The following PRR35 variants were observed in gnomAD, a reference collection of about 807,000 sequenced individuals.
PRR35 encodes proline rich 35, also known as proline-rich protein 35.
PRR35 carries 14 observed loss-of-function variants against 18.6 expected under a neutral mutation model. That is an observed-to-expected ratio of 0.75 (90% confidence interval 0.50 to 1.18). The LOEUF (loss-of-function observed/expected upper bound fraction) is 1.18. Ranked by LOEUF, PRR35 falls within the 50% of genes most tolerant of loss-of-function variation. The pLI, the probability that PRR35 is intolerant of heterozygous loss-of-function variation, is 0.00. For missense variants in PRR35, 832 were observed against 792.2 expected (o/e 1.05, Z -0.60); for synonymous variants, 425 against 378.2 (o/e 1.12, Z -1.43).
chr16:563,992 TGC>T lies in PRR35; in HGVS notation c.699_700del (p.Pro234LeufsTer99), dbSNP rs1567169579. On this transcript the variant is annotated frameshift_variant, in exon 2 of 3. Transcript: ENST00000409413. LOFTEE classifies it high-confidence loss of function. ...CCCTCACTGGCCGCTGCAGCCCATG[TGC>T]CCTTCCTGGCCTCGGCCAGCCCCCT... is the stretch of plus-strand genomic sequence containing the variant. 2 of 1,601,706 alleles carry T rather than the reference TGC, an allele frequency of 1.2e-6. No individual in the cohort carries two copies. The highest frequency in any genetic ancestry group is 1.7e-6 in the Non-Finnish European group (2 of 1,176,042).
chr16:563,962 T>TG lies in PRR35; in HGVS notation c.672dup (p.Pro225AlafsTer109), dbSNP rs1167069442. 6.2e-7 allele frequency: 1 copy of TG among 1,600,022 alleles called. No homozygotes were observed. Among genetic ancestry groups the TG allele is most frequent in the Admixed American group, 1.7e-5 (1 of 58,758 alleles). On this transcript the variant is annotated frameshift_variant, in exon 2 of 3. Coordinates refer to ENST00000409413, the MANE Select transcript of PRR35 (RefSeq NM_145270.3). LOFTEE classifies it high-confidence loss of function. ...CTCAGCCCCGGCCTCTTCTCCTACT[T>TG]GGGGCCCTCACTGGCCGCTGCAGCC...
chr16:564,874 CG>C lies in PRR35; in HGVS notation c.1289del (p.Gly430AlafsTer29), dbSNP rs1337987587. 5.1e-6 allele frequency: 8 copies of C among 1,569,978 alleles called. No individual in the cohort carries two copies. Among genetic ancestry groups the C allele is most frequent in the Non-Finnish European group, 3.4e-6 (4 of 1,162,738 alleles). On this transcript the variant is annotated frameshift_variant, in exon 3 of 3. Coordinates refer to ENST00000409413, the MANE Select transcript of PRR35 (RefSeq NM_145270.3). LOFTEE classifies it low-confidence loss of function (END_TRUNC). ...VEQRLGQLGP[A>X]GGLAPRPLRE... The stretch of plus-strand genomic sequence containing the variant: ...CAGCGCCTGGGACAGTTGGGGCCCG[CG>C]GGGGGCCTGGCCCCGAGACCCCTGC...
In PRR35 at chr16:563,834, A is replaced by G. The variant is rs773040283; in HGVS notation, c.540A>G (p.Ser180=). The G allele has an allele frequency of 4.1e-5, 62 of 1,515,036 alleles. No individual in the cohort carries two copies. In the Admixed American group the frequency reaches 6.3e-4, roughly 15 times the overall value. 93.8% of individuals were successfully genotyped at this position (1,515,036 alleles called of 1,614,324 possible). A position where few individuals can be genotyped will look rare whatever the true frequency, so the allele number is the denominator to read the frequency against. ...PRGVGAGDMA[S]AGPEGSVPCY... is the part of the protein sequence containing the mutation. ...GCGTGGGTGCGGGGGACATGGCCTC[A>G]GCAGGCCCTGAGGGCAGCGTCCCCT... Residue 180 remains serine (S), a synonymous_variant, in exon 2 of 3, where the codon TCA becomes TCG. Transcript: ENST00000409413.
Position 565,006 on chromosome 16 carries a change from C to A in PRR35, c.1415C>A (p.Ala472Glu). The change falls in exon 3 of 3, where the codon GCG becomes GAG. Residue 472 changes from alanine (A) to glutamate (E), a missense_variant. Physicochemically the swap from Ala to Glu is moderately radical, Grantham distance 107. Transcript: ENST00000409413. ...DAPLDLSVKR[A>E]PAKGPQALGE... is the part of the protein sequence containing the mutation. ...CCCCTCGACCTCTCTGTGAAACGTG[C>A]GCCCGCCAAGGGGCCCCAGGCTCTT... The A allele has an allele frequency of 1.2e-6, 2 of 1,604,608 alleles. No individual in the cohort carries two copies. The highest frequency in any genetic ancestry group is 1.3e-5 in the African/African-American group (1 of 74,798).
chr16:561,705 C>A, intron 1 of PRR35: 1 of 984,630 alleles, frequency 1.0e-6, no homozygotes, highest in Non-Finnish European at 1.2e-6. Context: ...GGCACCAACA[C>A]AGTGTTTTGG....
At position 564,005 on chromosome 16, in the gene PRR35, C is replaced by G. The variant is rs1321795721; in HGVS notation, c.711C>G (p.Ala237=). 6.3e-7 allele frequency: 1 copy of G among 1,598,412 alleles called. No homozygotes were observed. Among genetic ancestry groups the G allele is most frequent in the Non-Finnish European group, 8.5e-7 (1 of 1,175,252 alleles). ...CTGCAGCCCATGTGCCCTTCCTGGCCTCGGCCAGCCCCCTGCTGCCCCCGG... is the reference window on the plus strand; with the variant it reads ...CTGCAGCCCATGTGCCCTTCCTGGCGTCGGCCAGCCCCCTGCTGCCCCCGG... The part of the protein sequence containing the change: ...LAAAAHVPFL[A]SASPLLPPAT... Residue 237 remains alanine (A), a synonymous_variant, in exon 2 of 3, where the codon GCC becomes GCG. Coordinates refer to ENST00000409413, the MANE Select transcript of PRR35 (RefSeq NM_145270.3).
chr16:563,418 T>C lies in PRR35; in HGVS notation c.124T>C (p.Cys42Arg). 1.2e-6 allele frequency: 2 copies of C among 1,612,516 alleles called. No individual in the cohort carries two copies. Among genetic ancestry groups the C allele is most frequent in the Non-Finnish European group, 1.7e-6 (2 of 1,179,680 alleles). Residue 42 changes from cysteine (C) to arginine (R), a missense_variant, in exon 2 of 3, where the codon TGC becomes CGC. Coordinates refer to ENST00000409413, the MANE Select transcript of PRR35 (RefSeq NM_145270.3). ...GKPYNYKCFQ[C>R]PFTCLEKSHL... ...ACCCTACAACTACAAATGCTTCCAG[T>C]GCCCCTTCACCTGCCTGGAGAAGTC...
At position 560,648 on chromosome 16, in the gene PRR35, C is replaced by T. The variant is rs561730881; in HGVS notation, c.-53C>T. ...CCTCGCAGACTTGGCGGCTCCGCTC[C>T]CGGCCGGGCGCAGGTAGGAGCGGCG... On this transcript the variant is annotated 5_prime_UTR_variant, in exon 1 of 3. Transcript: ENST00000409413. The T allele has an allele frequency of 3.2e-6, 3 of 924,910 alleles. No homozygotes were observed. Among genetic ancestry groups the T allele is most frequent in the African/African-American group, 2.1e-5 (1 of 46,708 alleles). The allele number at this position is 924,910 out of a possible 1,614,324, so 57.3% of individuals were successfully genotyped here.
Position 563,231 on chromosome 16 carries a change from G to A in PRR35, c.-39-25G>A, listed in dbSNP as rs1012943258. ...GGGGAGTTAGTCAGAGGCAGGCTTG[G>A]CACTGACTGTGGCCCCATCTACAGG... is the stretch of plus-strand genomic sequence containing the variant. On this transcript the variant is annotated intron_variant, in intron 1 of 2. Coordinates refer to ENST00000409413, the MANE Select transcript of PRR35 (RefSeq NM_145270.3). The A allele has an allele frequency of 6.0e-6, 9 of 1,499,768 alleles. No homozygotes were observed. In the Admixed American group the frequency reaches 1.6e-4, roughly 27 times the overall value. 92.9% of individuals were successfully genotyped at this position (1,499,768 alleles called of 1,614,324 possible).
Position 563,632 on chromosome 16 carries a change from C to A in PRR35, c.338C>A (p.Ala113Glu). The stretch of plus-strand genomic sequence containing the variant: ...GCACGGCCCACAGGTGCTGCCCCCG[C>A]GCCTGACCTCGTGGTCGCCGACATC... ...QGARPTGAAP[A>E]PDLVVADIHS... The change falls in exon 2 of 3, where the codon GCG becomes GAG. Residue 113 changes from alanine to glutamate, a missense_variant. Transcript: ENST00000409413. 1 of 1,581,010 alleles carries A rather than the reference C, an allele frequency of 6.3e-7. No individual in the cohort carries two copies. Among genetic ancestry groups the A allele is most frequent in the Non-Finnish European group, 8.5e-7 (1 of 1,169,878 alleles).
In PRR35 at chr16:563,427, A is replaced by G. The variant is rs1294745672; in HGVS notation, c.133A>G (p.Thr45Ala). 1.1e-5 allele frequency: 17 copies of G among 1,612,430 alleles called. No homozygotes were observed. Among genetic ancestry groups the G allele is most frequent in the Non-Finnish European group, 1.4e-5 (17 of 1,179,648 alleles). The part of the protein sequence containing the change: ...YNYKCFQCPF[T>A]CLEKSHLYNH... ...CTACAAATGCTTCCAGTGCCCCTTC[A>G]CCTGCCTGGAGAAGTCACACCTCTA... The change falls in exon 2 of 3, where the codon ACC becomes GCC. Residue 45 changes from threonine (T) to alanine (A), a missense_variant. Coordinates refer to ENST00000409413, the MANE Select transcript of PRR35 (RefSeq NM_145270.3).
At chr16:563,122 A>C (rs1596374600) in intron 1 of PRR35, 134 bp from the exon 2 acceptor site, 7 of 790,668 alleles carry the variant, frequency 8.9e-6, no homozygotes, top group African/African-American at 3.7e-5. Context: ...CTCGGGGGGC[A>C]CGTTGCAGGG....
rs753623755 is a variant in PRR35, at chr16:563,777, G to T, written c.483G>T (p.Ser161=). The T allele has an allele frequency of 1.3e-6, 2 of 1,499,226 alleles. No homozygotes were observed. Among genetic ancestry groups the T allele is most frequent in the South Asian group, 1.3e-5 (1 of 77,278 alleles). The allele number at this position is 1,499,226 out of a possible 1,614,324, so 92.9% of individuals were successfully genotyped here. A position where few individuals can be genotyped will look rare whatever the true frequency, so the allele number is the denominator to read the frequency against. ...GPGPSGLLPE[S]WKPGMGGDPR... ...GCCCCAGTGGGCTCCTGCCTGAGTC[G>T]TGGAAGCCGGGGATGGGAGGGGACC... Residue 161 remains serine (S), a synonymous_variant, in exon 2 of 3, where the codon TCG becomes TCT. Transcript: ENST00000409413.
At position 564,296 on chromosome 16, in the gene PRR35, C is replaced by A; in HGVS notation, c.1002C>A (p.Pro334=). 1 of 1,578,684 alleles carries A rather than the reference C, an allele frequency of 6.3e-7. No homozygotes were observed. Among genetic ancestry groups the A allele is most frequent in the East Asian group, 2.3e-5 (1 of 43,742 alleles). The change falls in exon 2 of 3, where the codon CCC becomes CCA. Residue 334 remains proline, a synonymous_variant. Transcript: ENST00000409413. ...GELERAAQSD[P]RRRLSLGSRL... ...TGGAGCGGGCAGCCCAGAGTGACCC[C>A]AGGAGGAGGCTGTCCCTGGGAAGCA... is the stretch of plus-strand genomic sequence containing the variant.
chr16:564,735 A>AC lies in PRR35; in HGVS notation c.1149dup (p.Gly384ArgfsTer3), dbSNP rs1429778855. ...GGACGGGGATCCAGGCGGCCCTGAG[A>AC]CCCCCGGCCCTGAGGGCCCCCTCCC... On this transcript the variant is annotated frameshift_variant, in exon 3 of 3. Transcript: ENST00000409413. LOFTEE classifies it low-confidence loss of function (END_TRUNC). 1 of 1,532,024 alleles carries AC rather than the reference A, an allele frequency of 6.5e-7. No individual in the cohort carries two copies. The highest frequency in any genetic ancestry group is 8.7e-7 in the Non-Finnish European group (1 of 1,145,850). The allele number at this position is 1,532,024 out of a possible 1,614,324, so 94.9% of individuals were successfully genotyped here. A position where few individuals can be genotyped will look rare whatever the true frequency, so the allele number is the denominator to read the frequency against.
chr16:562,588 CACACACAG>C (rs878881156), intron 1 of PRR35, among the ~76,000 whole-genome samples: 1 of 83,534 alleles, frequency 1.2e-5, no homozygotes, highest in South Asian at 6.4e-4. Context: ...CACACATGCA[CACACACAG>C]ACACACACAG....
In PRR35 at chr16:565,409, G is replaced by C. The variant is rs1484724810; in HGVS notation, c.*102G>C. 1.0e-5 allele frequency: 13 copies of C among 1,266,772 alleles called. No homozygotes were observed. The South Asian group carries it at 1.2e-4, about 12-fold the overall frequency. The allele number at this position is 1,266,772 out of a possible 1,614,324, so 78.5% of individuals were successfully genotyped here. The stretch of plus-strand genomic sequence containing the variant: ...CCTGGGACCTGCCCCGCCTCCGCAT[G>C]CATGTGGATAGACCCCCACGGGCCG... On this transcript the variant is annotated 3_prime_UTR_variant, in exon 3 of 3. Coordinates refer to ENST00000409413, the MANE Select transcript of PRR35 (RefSeq NM_145270.3).
chr16:562,555 G>A (rs62034771), intron 1 of PRR35, among the ~76,000 whole-genome samples: 23 of 151,474 alleles, frequency 1.5e-4, no homozygotes, highest in East Asian at 3.9e-4. Flanking sequence ...GCACATGCAC[G>A]CACACACACG....
At chr16:564,516 G>A (rs1415922367) in intron 2 of PRR35, 140 bp downstream of exon 2, 4 of 1,416,990 alleles carry the variant, frequency 2.8e-6, no homozygotes, top group East Asian at 2.5e-5. Context: ...CCACAGAGGG[G>A]AACTGAGACC....
Sources: allele counts gnomAD v4.1 joint callset (sites outside exome capture counted in the v4.1 genomes callset), GRCh38; gene constraint gnomAD v4.1.1; transcripts MANE v1.5; gene names NCBI Gene and HGNC (gene_info 2026-07-23, HGNC 2026-07-21).